Variants in TSC2 observed in about 807,000 individuals in gnomAD.
The protein encoded by TSC2 is TSC complex subunit 2.
A neutral mutation model predicts 202.2 loss-of-function variants in TSC2; 29 were observed. The ratio of observed to expected loss-of-function variants is 0.14; its 90% CI spans 0.11 to 0.20. The LOEUF is 0.20. Among genes scored for constraint, TSC2 ranks in the 10% least tolerant of loss-of-function variants. TSC2 has a pLI of 1.00. For synonymous variants in TSC2, 1,349 were observed against 1,044.0 expected, an observed-to-expected ratio of 1.29 and a Z score of -5.63; for missense variants, 2,429 against 2,420.0, an observed-to-expected ratio of 1.00 and a Z score of -0.08.
At chr16:2,076,743 C>A in intron 25 of TSC2, 158 bp downstream of exon 25, 2 of 710,772 alleles carry the variant, frequency 2.8e-6, no homozygotes, top group South Asian at 3.4e-5. Flanking sequence ...CCGCTAACAC[C>A]CCTCAGCCCC....
rs397515081 is a variant in TSC2 at position 2,050,451 on chromosome 16, A to G, written c.190A>G (p.Ile64Val). The G allele has an allele frequency of 6.2e-7, 1 of 1,613,944 alleles. No homozygotes were observed. Among genetic ancestry groups the G allele is most frequent in the Non-Finnish European group, 8.5e-7 (1 of 1,179,960 alleles). ...LNNRIRMIGQICEVAKTKKFE... is the reference protein window; with the variant it reads ...LNNRIRMIGQVCEVAKTKKFE... ...CAATCGCATCCGGATGATAGGGCAG[A>G]TTTGTGAAGTCGCAAAAACCAAGAA... The change falls in exon 3 of 42, where the codon ATT (isoleucine) becomes GTT (valine). Residue 64 changes from isoleucine to valine, a missense_variant. Physicochemically the swap from Ile to Val is conservative, Grantham distance 29 (BLOSUM62 3). Coordinates refer to ENST00000219476, the MANE Select transcript of TSC2 (RefSeq NM_000548.5).
rs139259332 is a variant in TSC2, at chr16:2,083,578, G to A, written c.3884-117G>A. 264 of 1,500,914 alleles carry A rather than the reference G, an allele frequency of 1.8e-4. 3 individuals carry two copies. In the East Asian group the frequency reaches 6.4e-3, roughly 36 times the overall value. The allele number at this position is 1,500,914 out of a possible 1,614,324, so 93.0% of individuals were successfully genotyped here. ...GATGGCAGCAGTAAGCAGAGCCCTG[G>A]GGAGGCTCGCAGGGCTGCTGTCCCT... On this transcript the variant is annotated intron_variant, in intron 32 of 41. Transcript: ENST00000219476.
intron 30 of TSC2, 93 bp downstream of exon 30, chr16:2,080,470 G>A: frequency 6.9e-7 from 1 of 1,452,234 alleles, no homozygotes; most frequent in Non-Finnish European, 9.4e-7. Flanking sequence ...GGCCCTCTTG[G>A]GATATTTGGG....
At chr16:2,069,024 C>A (rs563971665) in intron 16 of TSC2, among the ~76,000 whole-genome samples, 2 of 152,052 alleles carry the variant, frequency 1.3e-5, no homozygotes. Flanking sequence ...CTTGCTCTCT[C>A]GGGTGGGAGA....
At chr16:2,077,752 A>G (rs1354162081) in intron 26 of TSC2, 26 bp downstream of exon 26, 2 of 1,610,204 alleles carry the variant, frequency 1.2e-6, no homozygotes, top group East Asian at 2.2e-5. Flanking sequence ...GGTGGGGGGC[A>G]CGGACCCTGG....
chr16:2,070,945 A>C (rs78956797), intron 17 of TSC2, among the ~76,000 whole-genome samples: 1,920 of 151,640 alleles, frequency 0.013, 18 homozygotes, highest in Non-Finnish European at 0.02. Flanking sequence ...GAGAGGGCAG[A>C]GCTGAGACGG....
intron 25 of TSC2, among the ~76,000 whole-genome samples, chr16:2,076,950 G>A (rs1447772852): frequency 6.6e-6 from 1 of 152,212 alleles, no homozygotes; most frequent in African/African-American, 2.4e-5. Context: ...CCGCCTTGCC[G>A]GACCGCAAAG....
At chr16:2,051,235 G>A (rs934099031) in intron 3 of TSC2, among the ~76,000 whole-genome samples, 4 of 151,354 alleles carry the variant, frequency 2.6e-5, no homozygotes, top group East Asian at 2.0e-4. Context: ...CAGGAGAATC[G>A]CTTGAACCCG....
intron 3 of TSC2, 70 bp from the exon 4 acceptor site, chr16:2,053,272 C>T (rs1232917153): frequency 6.8e-7 from 1 of 1,477,756 alleles, no homozygotes; most frequent in Non-Finnish European, 9.2e-7. Flanking sequence ...GCTCACGGCA[C>T]TGCTCCAGTT....
intron 32 of TSC2, 181 bp downstream of exon 32, chr16:2,082,685 C>T (rs1282532111): frequency 1.4e-6 from 1 of 700,956 alleles, no homozygotes; most frequent in Non-Finnish European, 2.5e-6. Context: ...GCGGGATCCC[C>T]TTGACTTGGT....
intron 16 of TSC2, among the ~76,000 whole-genome samples, chr16:2,065,971 G>A (rs553504553): frequency 2.6e-5 from 4 of 152,280 alleles, no homozygotes; most frequent in Admixed American, 6.5e-5. Context: ...CCTGCAGTCC[G>A]TTTAATATTT....
At chr16:2,070,395 G>C in intron 16 of TSC2, 61 bp from the exon 17 acceptor site, 1 of 1,612,898 alleles carries the variant, frequency 6.2e-7, no homozygotes, top group Non-Finnish European at 8.5e-7. Flanking sequence ...GGACAAGGGT[G>C]CTGTCTTAGG....
intron 18 of TSC2, 56 bp downstream of exon 18, chr16:2,071,672 C>G (rs1596343338): frequency 6.2e-7 from 1 of 1,607,594 alleles, no homozygotes. Flanking sequence ...GGCGCTGGGG[C>G]TGTGGTGGCG....
rs567953877 is a variant in TSC2, at chr16:2,082,835, G to A, written c.3883+331G>A. ...CTGATGGGTGGCAGCTGTTTAGGGG[G>A]AAGCCCACCCCTGGGCCTGCACCGA... On this transcript the variant is annotated intron_variant, in intron 32 of 41. Coordinates refer to ENST00000219476, the MANE Select transcript of TSC2 (RefSeq NM_000548.5). The A allele has an allele frequency of 3.4e-3, 1,609 of 472,994 alleles. 18 individuals carry two copies. The Middle Eastern group carries it at 0.034, about 10-fold the overall frequency. The allele number at this position is 472,994 out of a possible 1,614,324, so 29.3% of individuals were successfully genotyped here.
rs768846712 is a variant in TSC2 at position 2,086,827 on chromosome 16, G to A, written c.4945G>A (p.Val1649Ile). The A allele has an allele frequency of 2.5e-6, 4 of 1,608,610 alleles. No individual in the cohort carries two copies. The highest frequency in any genetic ancestry group is 1.1e-5 in the South Asian group (1 of 90,516). ...CCTGGGCAACGACTTTGTGTCCATTGTCTACAATGACTCCGGTGAGGACTT... is the reference window on the plus strand; with the variant it reads ...CCTGGGCAACGACTTTGTGTCCATTATCTACAATGACTCCGGTGAGGACTT... ...RHLGNDFVSI[V>I]YNDSGEDFKL... The change falls in exon 38 of 42, where the codon GTC becomes ATC. Residue 1649 changes from valine to isoleucine, a missense_variant. By Grantham distance (29) the Val-to-Ile change is conservative. Transcript: ENST00000219476.
intron 16 of TSC2, among the ~76,000 whole-genome samples, chr16:2,069,073 C>T (rs2087823867): frequency 6.6e-6 from 1 of 152,020 alleles, no homozygotes; most frequent in Non-Finnish European, 1.5e-5. Flanking sequence ...CCATGAAGGC[C>T]AGCCTCGTGC....
At chr16:2,070,693 AC>A in intron 17 of TSC2, 115 bp downstream of exon 17, 1 of 1,529,954 alleles carries the variant, frequency 6.5e-7, no homozygotes, top group Non-Finnish European at 8.8e-7. Flanking sequence ...GCCTCAGCTG[AC>A]CGTCCCTCCT....
chr16:2,072,273 G>A lies in TSC2; in HGVS notation c.2130G>A (p.Leu710=), dbSNP rs747122485. The A allele has an allele frequency of 6.2e-7, 1 of 1,614,132 alleles. No homozygotes were observed. ...ESDWKVLKLV[L]GRLPESLRYK... is the part of the protein sequence containing the mutation. ...ACTGGAAGGTGCTGAAGCTGGTTCT[G>A]GGCAGGCTGCCTGAGTCCCTGCGCT... The change falls in exon 20 of 42, where the codon CTG becomes CTA. Residue 710 remains leucine (L), a synonymous_variant. Transcript: ENST00000219476.
rs1555501735 is a variant in TSC2 at position 2,063,044 on chromosome 16, G to C, written c.1434G>C (p.Gln478His). 6.4e-7 allele frequency: 1 copy of C among 1,551,534 alleles called. No individual in the cohort carries two copies. Among genetic ancestry groups the C allele is most frequent in the Non-Finnish European group, 8.7e-7 (1 of 1,146,922 alleles). ...CCTTTGTGCTGCTCATCAACAGGCAGTTCTATGAGGTGCGTGTCCAGGCGG... is the reference window on the plus strand; with the variant it reads ...CCTTTGTGCTGCTCATCAACAGGCACTTCTATGAGGTGCGTGTCCAGGCGG... ...VLSFVLLINR[Q>H]FYEEELINSV... Residue 478 changes from glutamine (Q) to histidine (H), a missense_variant, in exon 14 of 42, where the codon CAG becomes CAC. Physicochemically the swap from Gln to His is conservative, Grantham distance 24. Transcript: ENST00000219476.
Sources: allele counts gnomAD v4.1 joint callset (sites outside exome capture counted in the v4.1 genomes callset), GRCh38; gene constraint gnomAD v4.1.1; transcripts MANE v1.5; gene names NCBI Gene and HGNC (gene_info 2026-07-23, HGNC 2026-07-21).